The following ZNF277 variants were observed in gnomAD, a reference collection of about 807,000 sequenced individuals.
ZNF277 encodes nuclear receptor-interacting factor 4.
Under a neutral mutation model 60.7 loss-of-function variants are expected in ZNF277, and 55 were observed. The observed-to-expected ratio is 0.91, with a 90% CI of 0.73 to 1.13. The LOEUF is 1.13. Ranked by LOEUF, ZNF277 falls within the 50% of genes most tolerant of loss-of-function variation. The probability of loss-of-function intolerance (pLI) is 0.00; values close to 1 mark genes in which losing one functional copy is unlikely to be tolerated. For missense variants in ZNF277, 510 were observed against 523.0 expected, an observed-to-expected ratio of 0.98 and a Z score of 0.24; for synonymous variants, 178 against 179.3, an observed-to-expected ratio of 0.99 and a Z score of 0.06.
chr7:112,267,361 T>C (rs1039453969), intron 1 of ZNF277, among the ~76,000 whole-genome samples: 5 of 152,248 alleles, frequency 3.3e-5, no homozygotes, highest in Non-Finnish European at 5.9e-5. Flanking sequence ...GTAAAGCTAG[T>C]ATCTTTTGAT....
At chr7:112,302,910 A>G (rs2117087751) in intron 4 of ZNF277, among the ~76,000 whole-genome samples, 1 of 151,138 alleles carries the variant, frequency 6.6e-6, no homozygotes, top group South Asian at 2.1e-4. Context: ...GCACCAGGAT[A>G]CTTTATCACA....
intron 1 of ZNF277, among the ~76,000 whole-genome samples, chr7:112,228,936 A>T (rs1053012064): frequency 2.0e-5 from 3 of 152,180 alleles, no homozygotes; most frequent in African/African-American, 7.2e-5. Flanking sequence ...CTTACCTCAC[A>T]GAGTTTTGGT....
At chr7:112,224,545 A>C (rs887606891) in intron 1 of ZNF277, among the ~76,000 whole-genome samples, 3 of 152,208 alleles carry the variant, frequency 2.0e-5, no homozygotes, top group African/African-American at 7.2e-5. Context: ...CATCAGGGAT[A>C]AGGGGGGATT....
At position 112,300,574 on chromosome 7, in the gene ZNF277, T is replaced by A. The variant is rs776656463; in HGVS notation, c.465+4263T>A. ...ACTATTAGGCCTATGGCTTAAATGT[T>A]AGTGCTGGTGCAGAGTAGGCAGTCA... On this transcript the variant is annotated intron_variant, in intron 4 of 11. Coordinates refer to ENST00000361822, the MANE Select transcript of ZNF277 (RefSeq NM_021994.3). 1.2e-4 allele frequency among the ~76,000 whole-genome samples: 18 copies of A among 152,308 alleles called. 1 individual carries two copies. The highest frequency in any genetic ancestry group is 3.4e-3 in the Middle Eastern group (1 of 294).
At chr7:112,239,555 G>A (rs1790894541) in intron 1 of ZNF277, among the ~76,000 whole-genome samples, 1 of 152,154 alleles carries the variant, frequency 6.6e-6, no homozygotes, top group Non-Finnish European at 1.5e-5. Flanking sequence ...GTTTGTTTGA[G>A]GAAAGGTAAG....
chr7:112,279,072 C>A (rs1038725859), intron 1 of ZNF277, among the ~76,000 whole-genome samples: 2 of 152,194 alleles, frequency 1.3e-5, no homozygotes, highest in Non-Finnish European at 1.5e-5. Context: ...GAATACTATT[C>A]ATTGTATTTA....
At chr7:112,327,190 C>T (rs1793116593) in intron 5 of ZNF277, among the ~76,000 whole-genome samples, 2 of 152,162 alleles carry the variant, frequency 1.3e-5, no homozygotes, top group Admixed American at 1.3e-4. Context: ...AAGCAGTGAT[C>T]CCCAACCTTT....
chr7:112,316,456 A>G (rs1488250040), intron 4 of ZNF277, among the ~76,000 whole-genome samples: 1 of 151,662 alleles, frequency 6.6e-6, no homozygotes, highest in Non-Finnish European at 1.5e-5. Context: ...TAGATTCTGG[A>G]TATTAGCCCT....
intron 8 of ZNF277, among the ~76,000 whole-genome samples, chr7:112,337,211 T>C (rs1395244437): frequency 1.3e-5 from 2 of 152,220 alleles, no homozygotes; most frequent in Non-Finnish European, 2.9e-5. Flanking sequence ...CCTGTATCCT[T>C]TTTGAGTTCC....
chr7:112,250,690 T>C (rs1015301960), intron 1 of ZNF277, among the ~76,000 whole-genome samples: 24 of 152,150 alleles, frequency 1.6e-4, no homozygotes, highest in African/African-American at 5.6e-4. Flanking sequence ...GAGAGTAGTG[T>C]TTTCAGGCAC....
intron 7 of ZNF277, among the ~76,000 whole-genome samples, chr7:112,332,578 G>A (rs1410720303): frequency 6.6e-6 from 1 of 152,074 alleles, no homozygotes; most frequent in Non-Finnish European, 1.5e-5. Flanking sequence ...GTGAGCCAAG[G>A]TCAAAGTAAA....
intron 4 of ZNF277, among the ~76,000 whole-genome samples, chr7:112,307,528 C>T (rs1792627660): frequency 6.6e-6 from 1 of 152,004 alleles, no homozygotes; most frequent in Non-Finnish European, 1.5e-5. Flanking sequence ...GATTCTCCCT[C>T]CTTAGCCTAC....
chr7:112,335,086 T>A (rs1217316696), intron 7 of ZNF277, among the ~76,000 whole-genome samples: 1 of 152,186 alleles, frequency 6.6e-6, no homozygotes, highest in Non-Finnish European at 1.5e-5. Context: ...CTCTAAATCA[T>A]AATGGCACTC....
intron 2 of ZNF277, among the ~76,000 whole-genome samples, chr7:112,292,657 G>C (rs1038607272): frequency 6.6e-6 from 1 of 152,102 alleles, no homozygotes; most frequent in Non-Finnish European, 1.5e-5. Flanking sequence ...GTAGAAGATT[G>C]AGTTTGGCCT....
chr7:112,277,795 T>C (rs1467568590), intron 1 of ZNF277, among the ~76,000 whole-genome samples: 1 of 152,226 alleles, frequency 6.6e-6, no homozygotes, highest in Non-Finnish European at 1.5e-5. Context: ...TTTACCTATA[T>C]GTGTTTATAT....
intron 1 of ZNF277, among the ~76,000 whole-genome samples, chr7:112,240,075 C>T (rs1301095383): frequency 1.3e-5 from 2 of 152,108 alleles, no homozygotes; most frequent in East Asian, 1.9e-4. Flanking sequence ...TTGCAAGCCT[C>T]ATGATAATCT....
At chr7:112,307,542 C>T (rs1563223121) in intron 4 of ZNF277, among the ~76,000 whole-genome samples, 1 of 151,908 alleles carries the variant, frequency 6.6e-6, no homozygotes, top group East Asian at 1.9e-4. Flanking sequence ...AGCCTACTGA[C>T]TGCCTGGGAT....
chr7:112,325,714 C>T (rs1048023201), intron 5 of ZNF277, among the ~76,000 whole-genome samples: 1 of 152,142 alleles, frequency 6.6e-6, no homozygotes, highest in South Asian at 2.1e-4. Context: ...AGCTCTTGGT[C>T]CATTCCAAGG....
intron 4 of ZNF277, among the ~76,000 whole-genome samples, chr7:112,299,509 T>A (rs1792425836): frequency 6.6e-6 from 1 of 152,182 alleles, no homozygotes. Context: ...TGGCCCATAG[T>A]GTGCAAGAAC....
Sources: gnomAD v4.1 joint callset for allele counts (sites outside exome capture counted in the v4.1 genomes callset) on GRCh38, gnomAD v4.1.1 for gene constraint, MANE v1.5 for transcripts, NCBI Gene and HGNC (gene_info 2026-07-23, HGNC 2026-07-21) for gene names.